Variants in C3 observed in about 807,000 individuals in gnomAD.
The protein encoded by C3 is C3 and PZP-like alpha-2-macroglobulin domain-containing protein 1.
In C3, 97 loss-of-function variants were observed where a neutral mutation model predicts 207.9. That is an observed-to-expected ratio of 0.47 (90% CI 0.40 to 0.55). The LOEUF (loss-of-function observed/expected upper bound fraction) is 0.55. Among genes scored for constraint, C3 ranks in the 20% least tolerant of loss-of-function variants. The pLI is 0.00. For synonymous variants in C3, 848 were observed against 857.6 expected (o/e 0.99, Z 0.20); for missense variants, 1,684 against 2,171.7 (o/e 0.78, Z 4.46).
At position 6,719,085 on chromosome 19, in the gene C3, G is replaced by T; in HGVS notation, c.267+126C>A. 1.2e-6 allele frequency: 1 copy of T among 850,050 alleles called. No homozygotes were observed. Among genetic ancestry groups the T allele is most frequent in the Non-Finnish European group, 2.0e-6 (1 of 500,886 alleles). 52.7% of individuals were successfully genotyped at this position (850,050 alleles called of 1,614,324 possible). ...GCTTAGAAGGAGAGGCGACTCCGAA[G>T]GGGTGGAGTCTCAGGGAAGGGCAGG... On this transcript the variant is annotated intron_variant, in intron 2 of 40. Transcript: ENST00000245907. The surrounding 1 kb of genome is among the most constrained non-coding windows in gnomAD (Gnocchi z 5.4).
Position 6,682,134 on chromosome 19 carries a change from C to T in C3, c.4260+8G>A. The T allele has an allele frequency of 1.2e-6, 2 of 1,613,288 alleles. No individual in the cohort carries two copies. The highest frequency in any genetic ancestry group is 1.1e-5 in the South Asian group (1 of 91,068). ...TTCCACTTATCCCAGCTCCTGAGCCCTTCATACCTGCTTCAGGTCATCTGT... is the reference window on the plus strand; with the variant it reads ...TTCCACTTATCCCAGCTCCTGAGCCTTTCATACCTGCTTCAGGTCATCTGT... On this transcript the variant is annotated splice_region_variant and intron_variant, in intron 34 of 40. Coordinates refer to ENST00000245907, the MANE Select transcript of C3 (RefSeq NM_000064.4).
At position 6,714,445 on chromosome 19, in the gene C3, T is replaced by C; in HGVS notation, c.506A>G (p.Asn169Ser). 6.2e-7 allele frequency: 1 copy of C among 1,611,788 alleles called. No individual in the cohort carries two copies. The highest frequency in any genetic ancestry group is 2.2e-5 in the East Asian group (1 of 44,862). Residue 169 changes from asparagine to serine, a missense_variant and splice_region_variant, in exon 5 of 41, where the codon AAC becomes AGC. Around this residue, in one of 3 missense-constraint regions of C3, gnomAD observed 1,280 missense variants for 1,739.1 expected, o/e 0.74. Transcript: ENST00000245907. ...CTGCTTGACCGGGATGCCTTCCGGG[T>C]TCTGTGGGAGGCAGGAGGGAAGGAT... ...VGRTVMVNIE[N>S]PEGIPVKQDS...
chr19:6,693,314 A>C, intron 25 of C3, 98 bp downstream of exon 25: 2 of 1,306,616 alleles, frequency 1.5e-6, no homozygotes, highest in East Asian at 5.0e-5. Context: ...CTGTTTGGGC[A>C]AGGCTGGCCT....
chr19:6,685,230 C>A, intron 29 of C3, 84 bp from the exon 30 acceptor site: 1 of 1,290,530 alleles, frequency 7.7e-7, no homozygotes, highest in Non-Finnish European at 1.1e-6. Flanking sequence ...AGGTTCAAAT[C>A]AGAGCTGGGA....
intron 19 of C3, 125 bp from the exon 20 acceptor site, chr19:6,697,919 C>T: frequency 1.1e-6 from 1 of 876,322 alleles, no homozygotes; most frequent in Non-Finnish European, 1.8e-6. Context: ...TTTGCTGAAG[C>T]CTGTGAACTA....
intron 35 of C3, 88 bp downstream of exon 35, chr19:6,681,853 G>T (rs1917869961): frequency 2.0e-6 from 2 of 1,002,710 alleles, no homozygotes; most frequent in Non-Finnish European, 3.2e-6. Context: ...CTGACCCAGA[G>T]ACAAAAGCTG....
At chr19:6,703,177 GC>G (rs11569576) in intron 17 of C3, among the ~76,000 whole-genome samples, 3,438 of 152,286 alleles carry the variant, frequency 0.023, 62 homozygotes, top group Non-Finnish European at 0.036. Flanking sequence ...ATTTTCACGA[GC>G]CCCAGACACA....
intron 9 of C3, 152 bp downstream of exon 9, chr19:6,713,037 T>A: frequency 1.1e-6 from 1 of 915,926 alleles, no homozygotes; most frequent in Non-Finnish European, 1.8e-6. Context: ...ATACTCGGCC[T>A]CCCCTCTCAG....
Position 6,702,199 on chromosome 19 carries a change from G to A in C3, c.2368C>T (p.Leu790Phe), listed in dbSNP as rs1251080174. The A allele has an allele frequency of 6.3e-7, 1 of 1,596,936 alleles. No homozygotes were observed. Among genetic ancestry groups the A allele is most frequent in the Admixed American group, 1.7e-5 (1 of 59,992 alleles). Residue 790 changes from leucine to phenylalanine, a missense_variant, in exon 19 of 41, where the codon CTC becomes TTC. Leu to Phe is a conservative substitution (Grantham distance 22, BLOSUM62 0). Coordinates refer to ENST00000245907, the MANE Select transcript of C3 (RefSeq NM_000064.4). The part of the protein sequence containing the change: ...EPPKNGISTK[L>F]MNIFLKDSIT... ...GAGTCTTTCAAAAATATATTCATGA[G>A]CTTCGTAGAGATTCTGGATGGAGAA...
At position 6,681,968 on chromosome 19, in the gene C3, C is replaced by G; in HGVS notation, c.4323G>C (p.Arg1441Ser). ...KYELDKAFSDRNTLIIYLDKV... is the reference protein window; with the variant it reads ...KYELDKAFSDSNTLIIYLDKV... Reference sequence around the variant, plus strand: ...TGTCCAGGTAGATGATGAGGGTGTTCCTATCGGAGAAGGCTTTGTCCAGCT... The same window carrying G: ...TGTCCAGGTAGATGATGAGGGTGTTGCTATCGGAGAAGGCTTTGTCCAGCT... Residue 1441 changes from arginine (R) to serine (S), a missense_variant, in exon 35 of 41, where the codon AGG (arginine) becomes AGC (serine). Transcript: ENST00000245907. The G allele has an allele frequency of 6.2e-7, 1 of 1,614,042 alleles. No homozygotes were observed. Among genetic ancestry groups the G allele is most frequent in the Non-Finnish European group, 8.5e-7 (1 of 1,179,942 alleles).
chr19:6,690,441 T>G (rs1055046466), intron 27 of C3, among the ~76,000 whole-genome samples, 188 bp downstream of exon 27: 1 of 152,222 alleles, frequency 6.6e-6, no homozygotes, highest in Non-Finnish European at 1.5e-5. Flanking sequence ...TGTGAAACTA[T>G]TAGAGGGCGG....
chr19:6,717,776 T>G, intron 4 of C3: 1 of 511,924 alleles, frequency 2.0e-6, no homozygotes, highest in Non-Finnish European at 3.6e-6. Context: ...GTGCTGTGTG[T>G]ATTGTGTTGT....
Position 6,720,554 on chromosome 19 carries a change from C to T in C3, c.36G>A (p.Leu12=). 6.3e-7 allele frequency: 1 copy of T among 1,591,216 alleles called. No individual in the cohort carries two copies. Among genetic ancestry groups the T allele is most frequent in the Non-Finnish European group, 8.6e-7 (1 of 1,168,690 alleles). Residue 12 remains leucine (L), a synonymous_variant, in exon 1 of 41, where the codon CTG becomes CTA. Coordinates refer to ENST00000245907, the MANE Select transcript of C3 (RefSeq NM_000064.4). The part of the protein sequence containing the change: ...GPTSGPSLLL[L]LLTHLPLALG... ...GAGCCAGGGGGAGGTGGGTTAGTAG[C>T]AGGAGCAGCAGGCTGGGACCTGAGG...
intron 33 of C3, among the ~76,000 whole-genome samples, chr19:6,683,873 T>G (rs1398197911): frequency 6.6e-6 from 1 of 152,222 alleles, no homozygotes; most frequent in Non-Finnish European, 1.5e-5. Flanking sequence ...GGCAGAGGAA[T>G]GCTCAAGGCT....
At chr19:6,693,671 A>G (rs1421407249) in intron 24 of C3, among the ~76,000 whole-genome samples, 184 bp from the exon 25 acceptor site, 4 of 150,412 alleles carry the variant, frequency 2.7e-5, no homozygotes, top group African/African-American at 9.8e-5. Flanking sequence ...AGGAGGTGGA[A>G]AAGTTCTCAA....
chr19:6,691,410 C>G (rs406114), intron 26 of C3, among the ~76,000 whole-genome samples: 1 of 151,910 alleles, frequency 6.6e-6, no homozygotes, highest in Non-Finnish European at 1.5e-5. Flanking sequence ...GACATCGCAG[C>G]GATAATGAAC....
At chr19:6,692,539 T>A (rs560051971) in intron 26 of C3, among the ~76,000 whole-genome samples, 2 of 149,814 alleles carry the variant, frequency 1.3e-5, no homozygotes, top group South Asian at 2.1e-4. Flanking sequence ...GCGGGGAGAG[T>A]GTTGCTTGGA....
intron 27 of C3, among the ~76,000 whole-genome samples, chr19:6,687,600 C>T (rs1918042249): frequency 6.6e-6 from 1 of 152,144 alleles, no homozygotes; most frequent in Non-Finnish European, 1.5e-5. Flanking sequence ...TAAATACTTC[C>T]ATCACTGATT....
intron 26 of C3, among the ~76,000 whole-genome samples, 171 bp downstream of exon 26, chr19:6,692,753 A>G (rs546694052): frequency 8.5e-5 from 13 of 152,130 alleles, no homozygotes; most frequent in African/African-American, 2.9e-4. Context: ...GGTTTTTGCA[A>G]TGCTGGAGTG....
Sources: allele counts gnomAD v4.1 joint callset (sites outside exome capture counted in the v4.1 genomes callset), GRCh38; gene constraint gnomAD v4.1.1; regional missense constraint gnomAD v4.1.1; non-coding constraint Gnocchi (gnomAD v3.1); transcripts MANE v1.5; gene names NCBI Gene and HGNC (gene_info 2026-07-23, HGNC 2026-07-21).